The following KIAA1328 variants were observed in gnomAD, a reference collection of about 807,000 sequenced individuals.
The protein encoded by KIAA1328 is KIAA1328, also known as protein hinderin.
In KIAA1328, 52 loss-of-function variants were observed where a neutral mutation model predicts 68.1. That is an observed-to-expected ratio of 0.76 (90% CI 0.61 to 0.96). The LOEUF (loss-of-function observed/expected upper bound fraction) is 0.96, where lower values mean the gene tolerates loss of function less well. KIAA1328 is among the 40% of genes least tolerant of loss of function. KIAA1328 has a pLI of 0.00. For missense variants in KIAA1328, 641 were observed against 677.6 expected (o/e 0.95, Z 0.60); for synonymous variants, 232 against 239.4 (o/e 0.97, Z 0.28).
At chr18:37,163,835 A>G (rs922334415) in intron 8 of KIAA1328, among the ~76,000 whole-genome samples, 3 of 152,234 alleles carry the variant, frequency 2.0e-5, no homozygotes, top group Admixed American at 1.3e-4. Context: ...GTACCTTAAG[A>G]TACTACTTCT....
intron 4 of KIAA1328, among the ~76,000 whole-genome samples, chr18:36,876,701 T>A (rs2048140683): frequency 6.6e-6 from 1 of 152,216 alleles, no homozygotes; most frequent in Admixed American, 6.5e-5. Context: ...TCTTAGTTAT[T>A]TCTTGTCTTC....
intron 6 of KIAA1328, among the ~76,000 whole-genome samples, chr18:36,999,266 A>C (rs561980676): frequency 5.3e-5 from 8 of 152,334 alleles, no homozygotes; most frequent in African/African-American, 1.9e-4. Context: ...CAAAGCCTTC[A>C]GGATATTTGG....
At chr18:36,941,978 T>C in intron 5 of KIAA1328, among the ~76,000 whole-genome samples, 1 of 152,210 alleles carries the variant, frequency 6.6e-6, no homozygotes, top group East Asian at 1.9e-4. Context: ...CATTATGTTA[T>C]AAAGAAATTC....
At chr18:37,021,823 G>A (rs989567830) in intron 6 of KIAA1328, among the ~76,000 whole-genome samples, 8 of 152,012 alleles carry the variant, frequency 5.3e-5, no homozygotes, top group Admixed American at 3.3e-4. Context: ...TGGATCACGA[G>A]GTCAGGAGAT....
At chr18:37,136,108 C>A (rs1405222924) in intron 7 of KIAA1328, among the ~76,000 whole-genome samples, 3 of 152,060 alleles carry the variant, frequency 2.0e-5, no homozygotes. Context: ...CTTTTTGCAT[C>A]CTTGTACCAC....
chr18:36,929,446 T>C (rs934922812), intron 5 of KIAA1328, among the ~76,000 whole-genome samples: 2 of 151,344 alleles, frequency 1.3e-5, no homozygotes, highest in Non-Finnish European at 2.9e-5. Flanking sequence ...TTGCCTTCAA[T>C]GTACCTGACT....
chr18:36,874,445 G>T (rs1316500416), intron 4 of KIAA1328, among the ~76,000 whole-genome samples: 1 of 152,208 alleles, frequency 6.6e-6, no homozygotes, highest in African/African-American at 2.4e-5. Context: ...GTGGTGATGA[G>T]CTTTTTATCA....
At chr18:37,199,774 T>C (rs1305691793) in intron 9 of KIAA1328, among the ~76,000 whole-genome samples, 4 of 152,216 alleles carry the variant, frequency 2.6e-5, no homozygotes, top group Admixed American at 2.0e-4. Context: ...TTTGACTTTT[T>C]AATAATTGCC....
chr18:37,134,101 C>T (rs2058588408), intron 7 of KIAA1328, among the ~76,000 whole-genome samples: 1 of 151,912 alleles, frequency 6.6e-6, no homozygotes, highest in Admixed American at 6.6e-5. Flanking sequence ...GCAATCTCCG[C>T]CTCCCAGATA....
intron 9 of KIAA1328, among the ~76,000 whole-genome samples, chr18:37,207,123 C>G (rs529858961): frequency 2.5e-4 from 38 of 152,254 alleles, no homozygotes; most frequent in African/African-American, 9.1e-4. Flanking sequence ...TGTTTTAATT[C>G]AGAAATAGTT....
chr18:36,998,397 A>G (rs1471149978), intron 6 of KIAA1328, among the ~76,000 whole-genome samples: 1 of 152,172 alleles, frequency 6.6e-6, no homozygotes, highest in African/African-American at 2.4e-5. Context: ...TGCTGCTGCA[A>G]TCACCCAGGC....
At chr18:37,023,705 G>A (rs1472994670) in intron 6 of KIAA1328, among the ~76,000 whole-genome samples, 2 of 152,148 alleles carry the variant, frequency 1.3e-5, no homozygotes, top group African/African-American at 4.8e-5. Context: ...TGGACACTTT[G>A]GCAGCAGAGT....
intron 9 of KIAA1328, among the ~76,000 whole-genome samples, chr18:37,207,481 T>C (rs991261481): frequency 6.6e-6 from 1 of 152,174 alleles, no homozygotes; most frequent in African/African-American, 2.4e-5. Context: ...ACCAAGGTCA[T>C]GTATATGTTT....
At chr18:37,221,841 A>G (rs2060569408) in intron 9 of KIAA1328, among the ~76,000 whole-genome samples, 176 bp from the exon 10 acceptor site, 1 of 152,228 alleles carries the variant, frequency 6.6e-6, no homozygotes. Context: ...AGCAGGGCCT[A>G]GGTTCTTCAA....
chr18:37,156,177 C>T (rs550762369), intron 7 of KIAA1328, among the ~76,000 whole-genome samples: 117 of 152,036 alleles, frequency 7.7e-4, no homozygotes, highest in Middle Eastern at 3.4e-3. Flanking sequence ...GAGGCCAAGG[C>T]GGGCAGATCA....
downstream of KIAA1328, among the ~76,000 whole-genome samples, chr18:37,227,789 G>A (rs1218366083): frequency 6.6e-6 from 1 of 152,174 alleles, no homozygotes; most frequent in African/African-American, 2.4e-5. Context: ...ATGGATCAAG[G>A]AGTAATTTCA....
Position 36,868,096 on chromosome 18 carries a change from A to G in KIAA1328, c.333-17461A>G, listed in dbSNP as rs76847798. ...CTTTTTTGCTTGTTTTAGCCATGCT[A>G]ATAAAAGAATAGAATACGAATGTGA... On this transcript the variant is annotated intron_variant, in intron 4 of 9. Coordinates refer to ENST00000280020, the MANE Select transcript of KIAA1328 (RefSeq NM_020776.3). 3.7e-3 allele frequency among the ~76,000 whole-genome samples: 566 copies of G among 152,348 alleles called. 23 individuals are homozygous for G. In the East Asian group the frequency reaches 0.092, roughly 25 times the overall value.
intron 6 of KIAA1328, among the ~76,000 whole-genome samples, chr18:37,023,055 G>A (rs1003124561): frequency 6.6e-6 from 1 of 152,144 alleles, no homozygotes; most frequent in Non-Finnish European, 1.5e-5. Flanking sequence ...TTTAGAGACA[G>A]GGTCTCACTC....
intron 9 of KIAA1328, among the ~76,000 whole-genome samples, chr18:37,214,673 C>T (rs1179600531): frequency 6.6e-6 from 1 of 152,098 alleles, no homozygotes; most frequent in Non-Finnish European, 1.5e-5. Context: ...GTAGTTTATT[C>T]CAGTTCTGTG....
Sources: allele counts gnomAD v4.1 joint callset (sites outside exome capture counted in the v4.1 genomes callset), GRCh38; gene constraint gnomAD v4.1.1; transcripts MANE v1.5; gene names NCBI Gene and HGNC (gene_info 2026-07-23, HGNC 2026-07-21).